Variants in RXRG observed in about 807,000 individuals in gnomAD.
RXRG encodes retinoid X receptor gamma, also known as retinoic acid receptor RXR-gamma.
RXRG carries 19 observed loss-of-function variants against 49.2 expected under a neutral mutation model. The observed-to-expected ratio is 0.39, with a 90% confidence interval of 0.27 to 0.57. The LOEUF (loss-of-function observed/expected upper bound fraction) is 0.57, where lower values mean the gene tolerates loss of function less well. Ranked by LOEUF, RXRG falls within the 20% of genes least tolerant of loss-of-function variation. The pLI is 0.64. For synonymous variants in RXRG, 224 were observed against 216.6 expected, an observed-to-expected ratio of 1.03 and a Z score of -0.30; for missense variants, 452 against 592.5, an observed-to-expected ratio of 0.76 and a Z score of 2.46.
intron 4 of RXRG, among the ~76,000 whole-genome samples, chr1:165,416,824 C>T (rs527512434): frequency 2.6e-4 from 39 of 152,284 alleles, no homozygotes; most frequent in African/African-American, 9.4e-4. Flanking sequence ...AGACACACTT[C>T]CTAGGAAAAG....
chr1:165,418,957 A>G (rs751662178), intron 3 of RXRG, among the ~76,000 whole-genome samples: 2 of 152,244 alleles, frequency 1.3e-5, no homozygotes, highest in Non-Finnish European at 2.9e-5. Context: ...GACATTCTTT[A>G]GTGGCTTTGG....
At chr1:165,425,529 C>G (rs765005596) in intron 2 of RXRG, among the ~76,000 whole-genome samples, 1 of 152,166 alleles carries the variant, frequency 6.6e-6, no homozygotes, top group Non-Finnish European at 1.5e-5. Flanking sequence ...CCCCAAACTA[C>G]AATGTACTTT....
At chr1:165,409,760 G>A in intron 6 of RXRG, 70 bp from the exon 7 acceptor site, 1 of 1,313,878 alleles carries the variant, frequency 7.6e-7, no homozygotes, top group Non-Finnish European at 9.9e-7. Flanking sequence ...ATCACCCAAG[G>A]CATGTACTAT....
intron 1 of RXRG, 108 bp downstream of exon 1, chr1:165,444,737 A>C: frequency 1.0e-6 from 1 of 984,056 alleles, no homozygotes; most frequent in Non-Finnish European, 1.6e-6. Flanking sequence ...GCATATAAAC[A>C]TATATGTTCT....
intron 2 of RXRG, among the ~76,000 whole-genome samples, chr1:165,424,097 A>C (rs1002298202): frequency 6.6e-6 from 1 of 152,240 alleles, no homozygotes; most frequent in Non-Finnish European, 1.5e-5. Flanking sequence ...ACAAAGATGC[A>C]GTATCAAACA....
Position 165,408,210 on chromosome 1 carries a change from G to A in RXRG, c.1138+17C>T. ...AGGGCTGAACACACACATCCCCTGG[G>A]GTTGAAGGGCGGTTACCTGGGTTAA... is the stretch of plus-strand genomic sequence containing the variant. On this transcript the variant is annotated intron_variant, in intron 8 of 9. Transcript: ENST00000359842. 2.5e-6 allele frequency: 4 copies of A among 1,596,820 alleles called. No homozygotes were observed. The highest frequency in any genetic ancestry group is 3.4e-6 in the Non-Finnish European group (4 of 1,164,164).
chr1:165,439,810 A>G (rs528307989), intron 1 of RXRG, among the ~76,000 whole-genome samples: 1 of 152,370 alleles, frequency 6.6e-6, no homozygotes, highest in South Asian at 2.1e-4. Flanking sequence ...GTTATAAAAT[A>G]CCTTCCCATT....
At chr1:165,427,655 G>A (rs906431974) in intron 2 of RXRG, among the ~76,000 whole-genome samples, 2 of 152,128 alleles carry the variant, frequency 1.3e-5, no homozygotes, top group African/African-American at 4.8e-5. Context: ...TATTAGCCAG[G>A]ATGGTCTCCA....
intron 1 of RXRG, among the ~76,000 whole-genome samples, chr1:165,433,024 C>CACTT (rs1245465211): frequency 2.0e-5 from 3 of 152,132 alleles, no homozygotes; most frequent in Non-Finnish European, 2.9e-5. Context: ...GGGATTAATG[C>CACTT]ACTTATAAGA....
intron 4 of RXRG, among the ~76,000 whole-genome samples, chr1:165,411,802 A>C (rs551043228): frequency 1.4e-4 from 22 of 151,984 alleles, no homozygotes; most frequent in Non-Finnish European, 2.9e-4. Flanking sequence ...GTTCAGTGCA[A>C]CTCTCAGAAC....
At chr1:165,437,364 A>T (rs1461598712) in intron 1 of RXRG, among the ~76,000 whole-genome samples, 2 of 152,202 alleles carry the variant, frequency 1.3e-5, no homozygotes, top group African/African-American at 2.4e-5. Flanking sequence ...ATATTTGGAG[A>T]TTAATTATTT....
intron 2 of RXRG, chr1:165,424,745 A>G: frequency 1.0e-6 from 1 of 984,154 alleles, no homozygotes; most frequent in Non-Finnish European, 1.2e-6. Context: ...CCCAAATTGT[A>G]CTTACGCGAG....
At chr1:165,416,991 T>C in intron 4 of RXRG, 50 bp downstream of exon 4, 2 of 1,558,112 alleles carry the variant, frequency 1.3e-6, no homozygotes, top group Non-Finnish European at 1.7e-6. Flanking sequence ...TCCCCTTGCC[T>C]AGGAAATGCC....
At chr1:165,433,482 T>C (rs1658735657) in intron 1 of RXRG, among the ~76,000 whole-genome samples, 1 of 152,232 alleles carries the variant, frequency 6.6e-6, no homozygotes, top group Admixed American at 6.5e-5. Flanking sequence ...GCACCAAGTC[T>C]ATTCTGCAGA....
At chr1:165,405,075 A>AT (rs953333672) in intron 9 of RXRG, among the ~76,000 whole-genome samples, 1 of 152,118 alleles carries the variant, frequency 6.6e-6, no homozygotes, top group African/African-American at 2.4e-5. Flanking sequence ...TATTTTTATA[A>AT]TTTTTTTAAC....
chr1:165,439,016 C>T lies in RXRG; in HGVS notation c.49+5829G>A, dbSNP rs530579276. 4.6e-5 allele frequency among the ~76,000 whole-genome samples: 7 copies of T among 151,996 alleles called. No homozygotes were observed. In the South Asian group the frequency reaches 1.3e-3, roughly 27 times the overall value. ...CTTTTAAAGCAGGTTTTCTAAAATC[C>T]CCACTGAGTAACCATTAGCTTGTGG... On this transcript the variant is annotated intron_variant, in intron 1 of 9. Transcript: ENST00000359842.
chr1:165,443,379 G>C (rs1465697526), intron 1 of RXRG, among the ~76,000 whole-genome samples: 1 of 152,176 alleles, frequency 6.6e-6, no homozygotes, highest in Non-Finnish European at 1.5e-5. Context: ...GGTGGGAATT[G>C]AGGAGGCTTT....
chr1:165,411,343 G>A (rs896055741), intron 4 of RXRG, among the ~76,000 whole-genome samples: 2 of 152,120 alleles, frequency 1.3e-5, no homozygotes, highest in Admixed American at 6.5e-5. Flanking sequence ...TTATGGTGAC[G>A]ACACTAGGAA....
At position 165,434,883 on chromosome 1, in the gene RXRG, G is replaced by T. The variant is rs146018311; in HGVS notation, c.50-5917C>A. On this transcript the variant is annotated intron_variant, in intron 1 of 9. Coordinates refer to ENST00000359842, the MANE Select transcript of RXRG (RefSeq NM_006917.5). The stretch of plus-strand genomic sequence containing the variant: ...TAACACAGACATGCTGCTGAGCAAG[G>T]TCGGCAGGAGATTGCCAGGTACAGG... 2.8e-3 allele frequency among the ~76,000 whole-genome samples: 419 copies of T among 152,336 alleles called. 2 individuals carry two copies. Among genetic ancestry groups the T allele is most frequent in the African/African-American group, 9.9e-3 (410 of 41,576 alleles).
Sources: gnomAD v4.1 joint callset for allele counts (sites outside exome capture counted in the v4.1 genomes callset) on GRCh38, gnomAD v4.1.1 for gene constraint, MANE v1.5 for transcripts, NCBI Gene and HGNC (gene_info 2026-07-23, HGNC 2026-07-21) for gene names.